The following TRAPPC9 variants were observed in gnomAD, a reference collection of about 807,000 sequenced individuals.
The protein encoded by TRAPPC9 is trafficking protein particle complex subunit 9.
In TRAPPC9, 83 loss-of-function variants were observed where a neutral mutation model predicts 124.0. The ratio of observed to expected loss-of-function variants is 0.67; its 90% CI spans 0.56 to 0.80. The LOEUF is 0.80. Ranked by LOEUF, TRAPPC9 falls within the 30% of genes least tolerant of loss-of-function variation. TRAPPC9 has a pLI of 0.00. For missense variants in TRAPPC9, 1,302 were observed against 1,508.3 expected (o/e 0.86, Z 2.27); for synonymous variants, 638 against 617.5 (o/e 1.03, Z -0.49).
intron 14 of TRAPPC9, among the ~76,000 whole-genome samples, chr8:140,280,669 G>A (rs1588084720): frequency 6.6e-6 from 1 of 151,916 alleles, no homozygotes; most frequent in South Asian, 2.1e-4. Flanking sequence ...CCTGACCTAA[G>A]GTGATCCGCC....
At chr8:140,392,791 G>A (rs1231302024) in intron 7 of TRAPPC9, among the ~76,000 whole-genome samples, 1 of 152,142 alleles carries the variant, frequency 6.6e-6, no homozygotes, top group African/African-American at 2.4e-5. Flanking sequence ...TGGAAACACA[G>A]AATTATAAGG....
At chr8:140,043,079 T>C (rs923972460) in intron 17 of TRAPPC9, among the ~76,000 whole-genome samples, 29 of 152,118 alleles carry the variant, frequency 1.9e-4, no homozygotes, top group African/African-American at 7.0e-4. Context: ...TCCCCCACTC[T>C]CCCTGCCTGA....
At chr8:140,050,647 C>G (rs1039103955) in intron 17 of TRAPPC9, among the ~76,000 whole-genome samples, 5 of 152,140 alleles carry the variant, frequency 3.3e-5, no homozygotes, top group African/African-American at 1.2e-4. Context: ...GCACCTCCAC[C>G]CGGGGCACAG....
intron 17 of TRAPPC9, among the ~76,000 whole-genome samples, chr8:140,207,765 G>T (rs569236535): frequency 1.3e-5 from 2 of 152,296 alleles, no homozygotes; most frequent in East Asian, 3.9e-4. Flanking sequence ...TACTGAAGCG[G>T]GGCTGGCAGC....
At chr8:139,973,709 A>G (rs1369676099) in intron 19 of TRAPPC9, among the ~76,000 whole-genome samples, 1 of 152,188 alleles carries the variant, frequency 6.6e-6, no homozygotes. Flanking sequence ...ACCAGGGAAA[A>G]GTCGAAGGCG....
chr8:139,941,677 G>A (rs77856580), intron 19 of TRAPPC9, among the ~76,000 whole-genome samples: 5,144 of 152,298 alleles, frequency 0.034, 318 homozygotes, highest in African/African-American at 0.12. Flanking sequence ...CCCAGACAGC[G>A]TGACTGTAAC....
intron 2 of TRAPPC9, among the ~76,000 whole-genome samples, chr8:140,444,458 C>A (rs925686516): frequency 6.6e-6 from 1 of 152,074 alleles, no homozygotes; most frequent in African/African-American, 2.4e-5. Context: ...CGGTGAAGGG[C>A]AAATCTGGCC....
At chr8:139,733,720 C>T (rs996813701) in intron 21 of TRAPPC9, among the ~76,000 whole-genome samples, 1 of 152,260 alleles carries the variant, frequency 6.6e-6, no homozygotes, top group Non-Finnish European at 1.5e-5. Flanking sequence ...CCTTCTGCCC[C>T]TTAACACAGT....
At chr8:139,895,583 G>A (rs1010964706) in intron 20 of TRAPPC9, among the ~76,000 whole-genome samples, 7 of 152,132 alleles carry the variant, frequency 4.6e-5, no homozygotes, top group Non-Finnish European at 1.0e-4. Context: ...CATAACAAAA[G>A]TAAACAATAA....
intron 8 of TRAPPC9, among the ~76,000 whole-genome samples, chr8:140,362,001 C>T (rs1311611803): frequency 1.3e-5 from 2 of 152,196 alleles, no homozygotes; most frequent in Non-Finnish European, 2.9e-5. Context: ...CCTTCCTGAG[C>T]TCTTCCCTCA....
At chr8:140,393,662 C>T (rs976326834) in intron 7 of TRAPPC9, among the ~76,000 whole-genome samples, 9 of 152,140 alleles carry the variant, frequency 5.9e-5, no homozygotes, top group Admixed American at 4.6e-4. Context: ...GCAGAAGGAA[C>T]CTGCAATAAT....
In TRAPPC9 at chr8:140,366,092, G is replaced by A. The variant is rs995232887; in HGVS notation, c.1351+4872C>T. 2.0e-5 allele frequency among the ~76,000 whole-genome samples: 3 copies of A among 152,174 alleles called. No individual in the cohort carries two copies. The East Asian group carries it at 5.8e-4, about 29-fold the overall frequency. On this transcript the variant is annotated intron_variant, in intron 8 of 22. Coordinates refer to ENST00000438773, the MANE Select transcript of TRAPPC9 (RefSeq NM_001160372.4). ...CCAGCTCCATCCATATCCCTGTAAA[G>A]AACATGATCTCATTTTTTATGGCTG...
chr8:140,141,695 G>A (rs928002297), intron 17 of TRAPPC9, among the ~76,000 whole-genome samples: 11 of 152,210 alleles, frequency 7.2e-5, no homozygotes, highest in African/African-American at 2.7e-4. Context: ...TGCTAAATGA[G>A]AGAAATCATA....
chr8:140,337,969 C>CAA (rs1313653757), intron 9 of TRAPPC9, among the ~76,000 whole-genome samples: 1 of 152,186 alleles, frequency 6.6e-6, no homozygotes, highest in Non-Finnish European at 1.5e-5. Context: ...GGTTGTCTGA[C>CAA]AGTCAGTCCA....
intron 17 of TRAPPC9, among the ~76,000 whole-genome samples, chr8:140,079,849 G>C (rs1843715847): frequency 6.6e-6 from 1 of 152,136 alleles, no homozygotes; most frequent in African/African-American, 2.4e-5. Context: ...AGAATCGCTT[G>C]AACCTGGGAA....
intron 19 of TRAPPC9, among the ~76,000 whole-genome samples, chr8:139,963,972 C>T (rs1304896044): frequency 3.3e-5 from 5 of 152,104 alleles, no homozygotes; most frequent in Admixed American, 3.3e-4. Context: ...CGCCTGTAAT[C>T]CCAGCACTTT....
At chr8:140,388,396 GA>G (rs1258258773) in intron 7 of TRAPPC9, among the ~76,000 whole-genome samples, 1 of 151,340 alleles carries the variant, frequency 6.6e-6, no homozygotes, top group Non-Finnish European at 1.5e-5. Flanking sequence ...AAGAAGGAAT[GA>G]AGGGGGCCGA....
At chr8:139,799,665 A>G (rs1345626394) in intron 21 of TRAPPC9, among the ~76,000 whole-genome samples, 1 of 152,122 alleles carries the variant, frequency 6.6e-6, no homozygotes, top group African/African-American at 2.4e-5. Flanking sequence ...AACTGTCCAC[A>G]CTCAGTCCGT....
intron 17 of TRAPPC9, among the ~76,000 whole-genome samples, chr8:140,121,675 T>A (rs1563776818): frequency 1.3e-5 from 2 of 152,218 alleles, no homozygotes; most frequent in African/African-American, 2.4e-5. Flanking sequence ...TGCATGTCTA[T>A]CCTATTGTAA....
Sources: gnomAD v4.1 joint callset for allele counts (sites outside exome capture counted in the v4.1 genomes callset) on GRCh38, gnomAD v4.1.1 for gene constraint, MANE v1.5 for transcripts, NCBI Gene and HGNC (gene_info 2026-07-23, HGNC 2026-07-21) for gene names.